TOP6BL: variants seen among roughly 807,000 people sequenced by gnomAD.
The protein encoded by TOP6BL is TOP6B like initiator of meiotic double strand breaks, also known as type 2 DNA topoisomerase 6 subunit B-like.
chr11:66,783,708 CT>C, the TOP6BL span, among the ~76,000 whole-genome samples: 1 of 152,062 alleles, frequency 6.6e-6, no homozygotes, highest in Non-Finnish European at 1.5e-5. Flanking sequence ...GTCATTATTT[CT>C]TCTGGATCTA....
At chr11:66,814,942 G>A in the TOP6BL span, among the ~76,000 whole-genome samples, 8 of 152,294 alleles carry the variant, frequency 5.3e-5, no homozygotes, top group Admixed American at 1.3e-4. Context: ...TGGAGTATGC[G>A]ACCATGGGCT....
the TOP6BL span, among the ~76,000 whole-genome samples, chr11:66,789,303 G>C: frequency 2.0e-5 from 3 of 152,164 alleles, no homozygotes; most frequent in South Asian, 6.2e-4. Flanking sequence ...TTGTAGTCCA[G>C]ATTTATGAGG....
chr11:66,814,063 T>A, the TOP6BL span: 11 of 1,538,618 alleles, frequency 7.1e-6, no homozygotes, highest in African/African-American at 1.4e-5. Context: ...TTGAAGAATA[T>A]TAGATAAATG....
At chr11:66,761,105 C>T in the TOP6BL span, among the ~76,000 whole-genome samples, 1 of 151,770 alleles carries the variant, frequency 6.6e-6, no homozygotes, top group Admixed American at 6.6e-5. Context: ...GGCGCGGTGG[C>T]TCACGCCTGT....
chr11:66,772,565 T>C, the TOP6BL span, among the ~76,000 whole-genome samples: 1 of 152,230 alleles, frequency 6.6e-6, no homozygotes, highest in East Asian at 1.9e-4. Context: ...AGTCAGGAAT[T>C]CGAGACCAGC....
the TOP6BL span, among the ~76,000 whole-genome samples, chr11:66,750,275 T>C: frequency 4.6e-5 from 7 of 152,236 alleles, no homozygotes; most frequent in Non-Finnish European, 1.0e-4. Context: ...TGGCTGGGTG[T>C]AGTGGCTCAT....
the TOP6BL span, among the ~76,000 whole-genome samples, chr11:66,833,040 CTTTTTTTTTTTTTTTT>C: frequency 1.7e-5 from 2 of 117,266 alleles, no homozygotes; most frequent in South Asian, 5.5e-4. Flanking sequence ...ATCTTTCTGC[CTTTTTTTTTTTTTTTT>C]TTTTTTTTTG....
the TOP6BL span, chr11:66,748,651 T>C: frequency 1.4e-6 from 1 of 720,122 alleles, no homozygotes; most frequent in East Asian, 3.0e-5. Flanking sequence ...GAAATGATTA[T>C]GTAATAAGTG....
At chr11:66,750,018 C>T in the TOP6BL span, among the ~76,000 whole-genome samples, 2 of 152,090 alleles carry the variant, frequency 1.3e-5, no homozygotes, top group African/African-American at 2.4e-5. Context: ...AGTATATATT[C>T]TAGATTTTCC....
At chr11:66,800,391 TACC>T in the TOP6BL span, among the ~76,000 whole-genome samples, 1 of 152,184 alleles carries the variant, frequency 6.6e-6, no homozygotes, top group Non-Finnish European at 1.5e-5. Flanking sequence ...TCAAATGTCT[TACC>T]ACAAAAAATG....
At chr11:66,775,506 G>A in the TOP6BL span, among the ~76,000 whole-genome samples, 1 of 152,202 alleles carries the variant, frequency 6.6e-6, no homozygotes, top group African/African-American at 2.4e-5. Flanking sequence ...AATGAAATGT[G>A]AGTGGAAGTG....
chr11:66,793,148 C>T, the TOP6BL span, among the ~76,000 whole-genome samples: 1 of 151,434 alleles, frequency 6.6e-6, no homozygotes, highest in Non-Finnish European at 1.5e-5. Context: ...AGTGCAGTGG[C>T]ACGATCTCAG....
the TOP6BL span, among the ~76,000 whole-genome samples, chr11:66,805,021 C>T: frequency 1.3e-5 from 2 of 151,982 alleles, no homozygotes; most frequent in African/African-American, 2.4e-5. Context: ...GAGCCGAGAT[C>T]GCAGCCACTG....
At chr11:66,814,988 G>T in the TOP6BL span, among the ~76,000 whole-genome samples, 1 of 152,168 alleles carries the variant, frequency 6.6e-6, no homozygotes, top group Non-Finnish European at 1.5e-5. Context: ...GAGATTGACT[G>T]TTCTAACTAG....
the TOP6BL span, among the ~76,000 whole-genome samples, chr11:66,777,627 A>G: frequency 6.6e-6 from 1 of 152,170 alleles, no homozygotes; most frequent in Non-Finnish European, 1.5e-5. Flanking sequence ...GTGGTGGCTC[A>G]TACCTGTGAT....
the TOP6BL span, among the ~76,000 whole-genome samples, chr11:66,756,088 T>C: frequency 6.6e-6 from 1 of 152,212 alleles, no homozygotes. Flanking sequence ...CAAGAGATAA[T>C]TAGTTTTTTC....
At chr11:66,839,111 C>T in the TOP6BL span, 5 of 456,178 alleles carry the variant, frequency 1.1e-5, 1 homozygote, top group African/African-American at 1.0e-4. Flanking sequence ...GAAGTCTTTT[C>T]TCCATACATG....
chr11:66,793,253 A>AT, the TOP6BL span, among the ~76,000 whole-genome samples: 3 of 148,894 alleles, frequency 2.0e-5, no homozygotes, highest in South Asian at 2.1e-4. Flanking sequence ...TAATCGGCTA[A>AT]TTTTTTTTTG....
chr11:66,812,658 A>G, the TOP6BL span, among the ~76,000 whole-genome samples: 1 of 152,178 alleles, frequency 6.6e-6, no homozygotes, highest in Admixed American at 6.5e-5. Flanking sequence ...ACCCCATAAG[A>G]AAGAGGATGA....
Sources: allele counts gnomAD v4.1 joint callset (sites outside exome capture counted in the v4.1 genomes callset), GRCh38; gene constraint gnomAD v4.1.1; transcripts MANE v1.5; gene names NCBI Gene and HGNC (gene_info 2026-07-23, HGNC 2026-07-21).